The following MARCHF1 variants were observed in gnomAD, a reference collection of about 807,000 sequenced individuals.
MARCHF1 encodes the protein E3 ubiquitin-protein ligase MARCHF1.
MARCHF1 carries 40 observed loss-of-function variants against 54.2 expected under a neutral mutation model. That is an observed-to-expected ratio of 0.74 (90% CI 0.57 to 0.96). The LOEUF (loss-of-function observed/expected upper bound fraction) is 0.96. Among genes scored for constraint, MARCHF1 ranks in the 40% least tolerant of loss-of-function variants. The pLI is 0.00. For missense variants in MARCHF1, 586 were observed against 656.5 expected (o/e 0.89, Z 1.17); for synonymous variants, 236 against 236.3 (o/e 1.00, Z 0.01).
intron 8 of MARCHF1, among the ~76,000 whole-genome samples, chr4:163,547,256 CAG>C (rs1364038350): frequency 1.3e-5 from 2 of 152,216 alleles, no homozygotes; most frequent in Non-Finnish European, 2.9e-5. Context: ...GAGGCTGTGA[CAG>C]AGGTGGAGAA....
Position 164,078,152 on chromosome 4 carries a change from C to T in MARCHF1, c.-248+33436G>A, listed in dbSNP as rs539557868. Among the ~76,000 whole-genome samples, 11 of 152,238 alleles carry T rather than the reference C, an allele frequency of 7.2e-5. No individual in the cohort carries two copies. In the South Asian group the frequency reaches 2.3e-3, roughly 32 times the overall value. On this transcript the variant is annotated intron_variant, in intron 2 of 9. Transcript: ENST00000514618. ...AATCTAAACGCCCATCAGTGATAGA[C>T]TGGATAAAGAAAATGTGGCACATAT...
At chr4:163,715,604 C>G (rs1745232438) in intron 4 of MARCHF1, among the ~76,000 whole-genome samples, 1 of 152,050 alleles carries the variant, frequency 6.6e-6, no homozygotes, top group Admixed American at 6.6e-5. Flanking sequence ...ATGCAAAAAT[C>G]TGAAGGAGGT....
At chr4:164,300,358 A>G (rs1008882673) in intron 1 of MARCHF1, among the ~76,000 whole-genome samples, 5 of 152,218 alleles carry the variant, frequency 3.3e-5, no homozygotes, top group Non-Finnish European at 5.9e-5. Flanking sequence ...AAGATACCCA[A>G]AGATCCCAAA....
rs557139951 is a variant in MARCHF1 at position 164,251,969 on chromosome 4, T to A, written c.-323+131901A>T. Among the ~76,000 whole-genome samples the A allele has an allele frequency of 7.2e-5, 11 of 152,316 alleles. No homozygotes were observed. In the East Asian group the frequency reaches 2.1e-3, roughly 29 times the overall value. ...TTATTTAAGAAATTAATAATTTTCATCTTAGATAAATCATCACAAAATAAA... is the reference window on the plus strand; with the variant it reads ...TTATTTAAGAAATTAATAATTTTCAACTTAGATAAATCATCACAAAATAAA... On this transcript the variant is annotated intron_variant, in intron 1 of 9. Coordinates refer to ENST00000514618, the MANE Select transcript of MARCHF1 (RefSeq NM_001394959.1).
At chr4:163,656,426 C>T (rs1245073078) in intron 5 of MARCHF1, among the ~76,000 whole-genome samples, 1 of 151,794 alleles carries the variant, frequency 6.6e-6, no homozygotes, top group Admixed American at 6.6e-5. Flanking sequence ...AGCCTACCAA[C>T]CAAAAAACCC....
At chr4:163,653,072 G>GCA (rs147889340) in intron 5 of MARCHF1, among the ~76,000 whole-genome samples, 1 of 151,522 alleles carries the variant, frequency 6.6e-6, no homozygotes, top group Non-Finnish European at 1.5e-5. Flanking sequence ...GTAAGGGGAT[G>GCA]GAGTCATTGG....
intron 3 of MARCHF1, among the ~76,000 whole-genome samples, chr4:163,917,907 T>C (rs1402422034): frequency 1.3e-5 from 2 of 152,164 alleles, no homozygotes; most frequent in Non-Finnish European, 2.9e-5. Flanking sequence ...TTTGGTTTAA[T>C]TAGATCAATT....
chr4:164,215,332 G>T (rs920401282), intron 1 of MARCHF1, among the ~76,000 whole-genome samples: 5 of 152,108 alleles, frequency 3.3e-5, no homozygotes, highest in Non-Finnish European at 7.3e-5. Flanking sequence ...CTGCTGGCCT[G>T]CTCCCCTTGA....
intron 1 of MARCHF1, among the ~76,000 whole-genome samples, chr4:164,366,791 A>T (rs1203441146): frequency 6.6e-6 from 1 of 151,826 alleles, no homozygotes; most frequent in Non-Finnish European, 1.5e-5. Context: ...AGTTTTATAC[A>T]TGTTTATTTA....
chr4:164,068,583 C>T (rs189468168), intron 2 of MARCHF1, among the ~76,000 whole-genome samples: 1,881 of 152,304 alleles, frequency 0.012, 38 homozygotes, highest in African/African-American at 0.043. Context: ...GCCTTAGGTG[C>T]CTCCCTGCGG....
At chr4:164,155,578 T>C (rs1730055423) in intron 1 of MARCHF1, among the ~76,000 whole-genome samples, 1 of 152,140 alleles carries the variant, frequency 6.6e-6, no homozygotes, top group African/African-American at 2.4e-5. Flanking sequence ...AAGATTTTTT[T>C]CAAAGCAAGT....
At chr4:163,615,513 TTAAC>T (rs1281577006) in intron 5 of MARCHF1, among the ~76,000 whole-genome samples, 2 of 151,800 alleles carry the variant, frequency 1.3e-5, no homozygotes, top group African/African-American at 4.8e-5. Flanking sequence ...AGGAATAAAT[TTAAC>T]TAAGAAGGTG....
chr4:163,775,060 A>T (rs950670212), intron 4 of MARCHF1, among the ~76,000 whole-genome samples: 3 of 152,098 alleles, frequency 2.0e-5, no homozygotes, highest in Non-Finnish European at 4.4e-5. Flanking sequence ...CTTTCATTCA[A>T]GGTAAGGCTT....
chr4:164,022,455 T>C (rs776390671), intron 2 of MARCHF1, among the ~76,000 whole-genome samples: 5 of 152,104 alleles, frequency 3.3e-5, no homozygotes, highest in East Asian at 1.9e-4. Flanking sequence ...GAAAACCACA[T>C]GTGGGGTACA....
intron 1 of MARCHF1, among the ~76,000 whole-genome samples, chr4:164,119,632 C>T (rs1343346217): frequency 6.6e-6 from 1 of 150,684 alleles, no homozygotes; most frequent in African/African-American, 2.5e-5. Flanking sequence ...ATCAAAATGA[C>T]ACCAACTGAG....
chr4:163,657,897 A>G (rs979560635), intron 5 of MARCHF1, among the ~76,000 whole-genome samples: 1 of 152,062 alleles, frequency 6.6e-6, no homozygotes, highest in African/African-American at 2.4e-5. Flanking sequence ...TTTACATGTT[A>G]TATAAAAACT....
At chr4:164,197,794 G>A (rs1274343545) in intron 1 of MARCHF1, 20 of 1,593,208 alleles carry the variant, frequency 1.3e-5, no homozygotes, top group Non-Finnish European at 1.7e-5. Context: ...CACGTTTTAG[G>A]ACTTTGAAGA....
At chr4:163,778,523 T>C (rs924183570) in intron 4 of MARCHF1, among the ~76,000 whole-genome samples, 1 of 152,186 alleles carries the variant, frequency 6.6e-6, no homozygotes, top group African/African-American at 2.4e-5. Flanking sequence ...TAAGTGTCTG[T>C]TCAAATCTTT....
intron 1 of MARCHF1, among the ~76,000 whole-genome samples, chr4:164,377,809 T>C (rs1209785296): frequency 6.6e-6 from 1 of 152,206 alleles, no homozygotes; most frequent in Non-Finnish European, 1.5e-5. Flanking sequence ...AAATGGCACA[T>C]AGTATATTAA....
Sources: gnomAD v4.1 joint callset for allele counts (sites outside exome capture counted in the v4.1 genomes callset) on GRCh38, gnomAD v4.1.1 for gene constraint, MANE v1.5 for transcripts, NCBI Gene and HGNC (gene_info 2026-07-23, HGNC 2026-07-21) for gene names.